The following PTPRD variants were observed in gnomAD, a reference collection of about 807,000 sequenced individuals.
The protein encoded by PTPRD is protein tyrosine phosphatase receptor type D.
Under a neutral mutation model 214.5 loss-of-function variants are expected in PTPRD, and 34 were observed. That is an observed-to-expected ratio of 0.16 (90% CI 0.12 to 0.21). The LOEUF (loss-of-function observed/expected upper bound fraction) is 0.21. PTPRD is among the 10% of genes least tolerant of loss of function. PTPRD has a pLI of 1.00. For missense variants in PTPRD, 2,545 were observed against 2,398.7 expected, an observed-to-expected ratio of 1.06 and a Z score of -1.27; for synonymous variants, 1,128 against 845.7, an observed-to-expected ratio of 1.33 and a Z score of -5.79.
At chr9:8,850,813 G>C (rs934182787) in intron 11 of PTPRD, among the ~76,000 whole-genome samples, 5 of 152,172 alleles carry the variant, frequency 3.3e-5, no homozygotes, top group Admixed American at 3.3e-4. Context: ...TTTTCACAGG[G>C]AGGCCAGGAT....
intron 2 of PTPRD, among the ~76,000 whole-genome samples, chr9:10,587,202 G>A (rs1462485453): frequency 6.6e-6 from 1 of 152,038 alleles, no homozygotes; most frequent in South Asian, 2.1e-4. Context: ...CTTACATTCA[G>A]CTGTAAGGAA....
At chr9:9,272,175 G>A (rs1943210782) in intron 9 of PTPRD, among the ~76,000 whole-genome samples, 1 of 150,996 alleles carries the variant, frequency 6.6e-6, no homozygotes, top group Non-Finnish European at 1.5e-5. Flanking sequence ...ACTTGAAACT[G>A]CATACCCCAG....
intron 5 of PTPRD, among the ~76,000 whole-genome samples, chr9:9,768,330 T>C (rs1272409219): frequency 1.3e-5 from 2 of 152,190 alleles, no homozygotes; most frequent in African/African-American, 4.8e-5. Context: ...TAGTGACTAA[T>C]AAATGTTAGC....
At chr9:9,043,239 A>G (rs10977450) in intron 10 of PTPRD, among the ~76,000 whole-genome samples, 1 of 151,938 alleles carries the variant, frequency 6.6e-6, no homozygotes, top group African/African-American at 2.4e-5. Context: ...TAATTAGTAC[A>G]TCTCCTCTTT....
intron 3 of PTPRD, among the ~76,000 whole-genome samples, chr9:10,059,887 G>T (rs2097725925): frequency 6.6e-6 from 1 of 151,778 alleles, no homozygotes; most frequent in South Asian, 2.1e-4. Flanking sequence ...CACATAATTG[G>T]AATGACAATG....
intron 7 of PTPRD, among the ~76,000 whole-genome samples, chr9:9,696,013 T>C (rs2097367143): frequency 6.6e-6 from 1 of 152,160 alleles, no homozygotes; most frequent in Non-Finnish European, 1.5e-5. Flanking sequence ...AGTGAAGTCA[T>C]TAGGTCCTGG....
At chr9:8,971,063 C>T (rs1423580665) in intron 11 of PTPRD, among the ~76,000 whole-genome samples, 1 of 150,032 alleles carries the variant, frequency 6.7e-6, no homozygotes, top group Non-Finnish European at 1.5e-5. Flanking sequence ...ATCAAACTGT[C>T]ACAATTCTTT....
intron 10 of PTPRD, among the ~76,000 whole-genome samples, chr9:9,111,885 A>C (rs1361335363): frequency 6.6e-6 from 1 of 152,100 alleles, no homozygotes; most frequent in Non-Finnish European, 1.5e-5. Flanking sequence ...CAAAACAAGA[A>C]AACCTTTCCT....
At chr9:9,267,558 C>T (rs951342038) in intron 9 of PTPRD, among the ~76,000 whole-genome samples, 45 of 151,178 alleles carry the variant, frequency 3.0e-4, no homozygotes, top group African/African-American at 1.1e-3. Context: ...TTTTACCAAA[C>T]CAGAAAAGGA....
At chr9:10,334,097 T>G (rs2096799706) in intron 3 of PTPRD, among the ~76,000 whole-genome samples, 1 of 151,816 alleles carries the variant, frequency 6.6e-6, no homozygotes, top group East Asian at 2.0e-4. Flanking sequence ...AATGACCAGG[T>G]GCTGAAGCTA....
intron 11 of PTPRD, among the ~76,000 whole-genome samples, chr9:8,884,116 A>C (rs762775492): frequency 2.6e-5 from 4 of 152,236 alleles, no homozygotes; most frequent in Admixed American, 1.3e-4. Context: ...ATATGAAAGC[A>C]GTCATTTAAT....
intron 5 of PTPRD, among the ~76,000 whole-genome samples, chr9:9,808,027 A>G (rs2045967677): frequency 6.6e-6 from 1 of 152,178 alleles, no homozygotes; most frequent in Non-Finnish European, 1.5e-5. Context: ...GTTTTTCTAA[A>G]TGAGAAAGGA....
At chr9:9,052,864 T>C (rs2099689036) in intron 10 of PTPRD, among the ~76,000 whole-genome samples, 2 of 152,168 alleles carry the variant, frequency 1.3e-5, no homozygotes, top group South Asian at 2.1e-4. Context: ...TAAAGTAGCA[T>C]TGAAAGTGAA....
chr9:9,493,668 G>A (rs549533624), intron 8 of PTPRD, among the ~76,000 whole-genome samples: 1 of 151,208 alleles, frequency 6.6e-6, no homozygotes, highest in Non-Finnish European at 1.5e-5. Flanking sequence ...GTAGCCTGTA[G>A]TCCCAGCTAC....
chr9:9,603,196 C>A (rs2093906001), intron 7 of PTPRD, among the ~76,000 whole-genome samples: 1 of 152,084 alleles, frequency 6.6e-6, no homozygotes, highest in Non-Finnish European at 1.5e-5. Flanking sequence ...TAAGACTGAA[C>A]ATATGTGGTC....
chr9:10,418,012 GA>G (rs1289119877), intron 2 of PTPRD, among the ~76,000 whole-genome samples: 1 of 149,652 alleles, frequency 6.7e-6, no homozygotes, highest in Non-Finnish European at 1.5e-5. Context: ...TCCTAAAGCA[GA>G]AAAAAAGGAA....
At chr9:9,635,932 C>T (rs2095751669) in intron 7 of PTPRD, among the ~76,000 whole-genome samples, 1 of 152,124 alleles carries the variant, frequency 6.6e-6, no homozygotes, top group Non-Finnish European at 1.5e-5. Flanking sequence ...GTCCCATTCA[C>T]AGCAGAAAAA....
At chr9:9,996,409 G>T (rs1295991318) in intron 4 of PTPRD, among the ~76,000 whole-genome samples, 1 of 152,092 alleles carries the variant, frequency 6.6e-6, no homozygotes, top group African/African-American at 2.4e-5. Context: ...TAAAATAAAA[G>T]AAAACAAAAC....
intron 2 of PTPRD, among the ~76,000 whole-genome samples, chr9:10,401,791 A>G (rs10959092): frequency 0.14 from 21,069 of 150,624 alleles, 2,561 homozygotes; most frequent in East Asian, 0.64. Flanking sequence ...TAAAAATTTC[A>G]TATGTGTCCT....
Sources: allele counts gnomAD v4.1 joint callset (sites outside exome capture counted in the v4.1 genomes callset), GRCh38; gene constraint gnomAD v4.1.1; transcripts MANE v1.5; gene names NCBI Gene and HGNC (gene_info 2026-07-23, HGNC 2026-07-21).